Variants in KIRREL3 observed in about 807,000 individuals in gnomAD.
KIRREL3 encodes the protein kin of IRRE-like protein 3.
A neutral mutation model predicts 89.7 loss-of-function variants in KIRREL3; 36 were observed. That is an observed-to-expected ratio of 0.40 (90% CI 0.31 to 0.53). KIRREL3 has a LOEUF of 0.53. Ranked by LOEUF, KIRREL3 falls within the 20% of genes least tolerant of loss-of-function variation. The pLI is 0.49. For synonymous variants in KIRREL3, 445 were observed against 441.4 expected (o/e 1.01, Z -0.10); for missense variants, 864 against 1,056.6 (o/e 0.82, Z 2.53).
rs1282920840 is a variant in KIRREL3, at chr11:126,892,679, G to C, written c.55+107776C>G. Among the ~76,000 whole-genome samples the C allele has an allele frequency of 6.6e-6, 1 of 152,148 alleles. No individual in the cohort carries two copies. Among genetic ancestry groups the C allele is most frequent in the East Asian group, 1.9e-4 (1 of 5,166 alleles). On this transcript the variant is annotated intron_variant, in intron 1 of 16. Coordinates refer to ENST00000525144, the MANE Select transcript of KIRREL3 (RefSeq NM_032531.4). This position sits in a 1 kb window ranked among gnomAD's most constrained non-coding sequence, Gnocchi z 5.4. ...CTGGAGGCATGACCCCTTTTCTCTG[G>C]TTGATTTCATCTCCAGTAGCCAAGT...
chr11:126,424,820 C>G lies in KIRREL3; in HGVS notation c.2097G>C (p.Met699Ile), dbSNP rs1366943846. The stretch of plus-strand genomic sequence containing the variant: ...CACAAAGCTCGATGGACGAGCTGCC[C>G]ATGCCCAGCACAAACCGCTGCCCGT... ...YDYGQRFVLG[M>I]GSSSIELCER... Residue 699 changes from methionine (M) to isoleucine (I), a missense_variant, in exon 17 of 17, where the codon ATG (methionine) becomes ATC (isoleucine). Coordinates refer to ENST00000525144, the MANE Select transcript of KIRREL3 (RefSeq NM_032531.4). The G allele has an allele frequency of 6.2e-6, 10 of 1,613,934 alleles. No individual in the cohort carries two copies. Among genetic ancestry groups the G allele is most frequent in the African/African-American group, 1.3e-5 (1 of 74,962 alleles).
intron 1 of KIRREL3, among the ~76,000 whole-genome samples, chr11:126,853,317 C>T (rs1193143703): frequency 6.6e-6 from 1 of 152,166 alleles, no homozygotes; most frequent in East Asian, 1.9e-4. Flanking sequence ...TCCAAACAAA[C>T]TGGAATTTTA....
intron 1 of KIRREL3, among the ~76,000 whole-genome samples, chr11:126,971,003 G>A (rs943945200): frequency 6.6e-6 from 1 of 152,180 alleles, no homozygotes; most frequent in East Asian, 1.9e-4. Flanking sequence ...AACATGTTTA[G>A]TAAACATTGC....
rs1940734623 is a variant in KIRREL3, at chr11:126,569,031, G to A, written c.56-6119C>T. 6.6e-6 allele frequency among the ~76,000 whole-genome samples: 1 copy of A among 152,078 alleles called. No homozygotes were observed. Among genetic ancestry groups the A allele is most frequent in the Non-Finnish European group, 1.5e-5 (1 of 68,022 alleles). On this transcript the variant is annotated intron_variant, in intron 1 of 16. Coordinates refer to ENST00000525144, the MANE Select transcript of KIRREL3 (RefSeq NM_032531.4). This position sits in a 1 kb window ranked among gnomAD's most constrained non-coding sequence, Gnocchi z 6.5. ...AGAGGCCAAGGAACCAGAGAGCTTGGGAATGGAGAGGAAATGATGAATCAG... is the reference window on the plus strand; with the variant it reads ...AGAGGCCAAGGAACCAGAGAGCTTGAGAATGGAGAGGAAATGATGAATCAG...
At chr11:126,488,742 G>T (rs1957431353) in intron 4 of KIRREL3, among the ~76,000 whole-genome samples, 1 of 152,200 alleles carries the variant, frequency 6.6e-6, no homozygotes, top group African/African-American at 2.4e-5. Flanking sequence ...CTAGGTGACT[G>T]CTCTCCTCTG....
rs570560805 is a variant in KIRREL3, at chr11:126,685,290, T to C, written c.56-122378A>G. Reference sequence around the variant, plus strand: ...GAACACACAATTGAGCAACAAAACATAGTCACACAGGGCCTGCCTCACACC... The same window carrying C: ...GAACACACAATTGAGCAACAAAACACAGTCACACAGGGCCTGCCTCACACC... On this transcript the variant is annotated intron_variant, in intron 1 of 16. Coordinates refer to ENST00000525144, the MANE Select transcript of KIRREL3 (RefSeq NM_032531.4). This position sits in a 1 kb window ranked among gnomAD's most constrained non-coding sequence, Gnocchi z 5.5. Among the ~76,000 whole-genome samples, 12 of 152,066 alleles carry C rather than the reference T, an allele frequency of 7.9e-5. No homozygotes were observed. The highest frequency in any genetic ancestry group is 1.3e-4 in the Non-Finnish European group (9 of 68,004).
At chr11:126,756,816 T>C (rs1949517864) in intron 1 of KIRREL3, among the ~76,000 whole-genome samples, 1 of 152,248 alleles carries the variant, frequency 6.6e-6, no homozygotes, top group Non-Finnish European at 1.5e-5. Context: ...ACGTTTGCAG[T>C]ATATCCCTGC....
rs1320914252 is a variant in KIRREL3, at chr11:126,838,903, C to A, written c.55+161552G>T. Among the ~76,000 whole-genome samples the A allele has an allele frequency of 2.0e-5, 3 of 152,160 alleles. No homozygotes were observed. In the East Asian group the frequency reaches 5.8e-4, roughly 29 times the overall value. Reference sequence around the variant, plus strand: ...CCAAACAAATTCCCTTCCTTTAAATCTTATGCTCACTTCAGATTGTGTCTC... The same window carrying A: ...CCAAACAAATTCCCTTCCTTTAAATATTATGCTCACTTCAGATTGTGTCTC... On this transcript the variant is annotated intron_variant, in intron 1 of 16. Coordinates refer to ENST00000525144, the MANE Select transcript of KIRREL3 (RefSeq NM_032531.4).
chr11:126,955,875 C>G lies in KIRREL3; in HGVS notation c.55+44580G>C, dbSNP rs950104277. On this transcript the variant is annotated intron_variant, in intron 1 of 16. Coordinates refer to ENST00000525144, the MANE Select transcript of KIRREL3 (RefSeq NM_032531.4). This position sits in a 1 kb window ranked among gnomAD's most constrained non-coding sequence, Gnocchi z 4.6. The stretch of plus-strand genomic sequence containing the variant: ...GATTGTATCTGTTTTGATTGGTCAG[C>G]ACCACTGATGCCCCAGTTCTTAAGT... 1.3e-5 allele frequency among the ~76,000 whole-genome samples: 2 copies of G among 152,172 alleles called. No individual in the cohort carries two copies. Among genetic ancestry groups the G allele is most frequent in the Non-Finnish European group, 2.9e-5 (2 of 68,036 alleles).
chr11:126,590,272 A>C (rs116217200), intron 1 of KIRREL3, among the ~76,000 whole-genome samples: 84,119 of 151,444 alleles, frequency 0.56, 24,057 homozygotes, highest in African/African-American at 0.7. Flanking sequence ...CAAAGCCTAG[A>C]AGAAGAACAT....
chr11:126,583,335 CTG>C (rs1941656575), intron 1 of KIRREL3, among the ~76,000 whole-genome samples: 1 of 152,184 alleles, frequency 6.6e-6, no homozygotes, highest in South Asian at 2.1e-4. Flanking sequence ...TTCAGGGACT[CTG>C]AAATCTCCAG....
Position 126,842,200 on chromosome 11 carries a change from C to T in KIRREL3, c.55+158255G>A, listed in dbSNP as rs540391708. Among the ~76,000 whole-genome samples the T allele has an allele frequency of 2.6e-5, 4 of 152,286 alleles. No homozygotes were observed. The South Asian group carries it at 8.3e-4, about 32-fold the overall frequency. Reference sequence around the variant, plus strand: ...CTCTGTCAGGAGCTCTATCTGGACTCTGCACTCAGGACAACAGACAGAGAC... The same window carrying T: ...CTCTGTCAGGAGCTCTATCTGGACTTTGCACTCAGGACAACAGACAGAGAC... On this transcript the variant is annotated intron_variant, in intron 1 of 16. Transcript: ENST00000525144.
rs1470876094 is a variant in KIRREL3, at chr11:126,687,835, G to C, written c.56-124923C>G. Among the ~76,000 whole-genome samples the C allele has an allele frequency of 1.3e-5, 2 of 152,212 alleles. No individual in the cohort carries two copies. The highest frequency in any genetic ancestry group is 2.4e-5 in the African/African-American group (1 of 41,448). Reference sequence around the variant, plus strand: ...GCGGTGAAATGGCCATGGGAGCACAGCCTTGAAGAGACGCCTGTGCAAGGC... The same window carrying C: ...GCGGTGAAATGGCCATGGGAGCACACCCTTGAAGAGACGCCTGTGCAAGGC... On this transcript the variant is annotated intron_variant, in intron 1 of 16. Coordinates refer to ENST00000525144, the MANE Select transcript of KIRREL3 (RefSeq NM_032531.4). This position sits in a 1 kb window ranked among gnomAD's most constrained non-coding sequence, Gnocchi z 4.6.
intron 1 of KIRREL3, among the ~76,000 whole-genome samples, chr11:126,926,420 T>A (rs1407708252): frequency 6.6e-6 from 1 of 152,222 alleles, no homozygotes; most frequent in Non-Finnish European, 1.5e-5. Flanking sequence ...CATATGGTAA[T>A]GAGCAGCTCT....
intron 1 of KIRREL3, among the ~76,000 whole-genome samples, chr11:126,626,097 G>A (rs1943773196): frequency 6.6e-6 from 1 of 152,224 alleles, no homozygotes; most frequent in Admixed American, 6.5e-5. Context: ...GGGACTATCA[G>A]TAGGGTATAG....
intron 1 of KIRREL3, among the ~76,000 whole-genome samples, chr11:126,663,296 C>T (rs1945507078): frequency 6.7e-6 from 1 of 150,052 alleles, no homozygotes; most frequent in Admixed American, 6.8e-5. Context: ...AGTGATTCTC[C>T]TGCCTCAGCC....
At chr11:126,865,185 T>A (rs1358601879) in intron 1 of KIRREL3, among the ~76,000 whole-genome samples, 2 of 152,196 alleles carry the variant, frequency 1.3e-5, no homozygotes, top group Non-Finnish European at 2.9e-5. Context: ...CCATTTACCA[T>A]CTGTAGCTAA....
At position 126,703,074 on chromosome 11, in the gene KIRREL3, T is replaced by A. The variant is rs1947372112; in HGVS notation, c.56-140162A>T. Among the ~76,000 whole-genome samples the A allele has an allele frequency of 6.6e-6, 1 of 151,864 alleles. No individual in the cohort carries two copies. The highest frequency in any genetic ancestry group is 2.1e-4 in the South Asian group (1 of 4,808). Reference sequence around the variant, plus strand: ...TATGGACCTAAATGAGAAGGGTGAGTAGTAGATGGCGTATTCTCTGGGCTG... The same window carrying A: ...TATGGACCTAAATGAGAAGGGTGAGAAGTAGATGGCGTATTCTCTGGGCTG... On this transcript the variant is annotated intron_variant, in intron 1 of 16. Coordinates refer to ENST00000525144, the MANE Select transcript of KIRREL3 (RefSeq NM_032531.4). The surrounding 1 kb of genome is among the most constrained non-coding windows in gnomAD (Gnocchi z 4.6).
Position 126,768,154 on chromosome 11 carries a change from ATCCATCCATCC to A in KIRREL3, c.56-205253_56-205243del, listed in dbSNP as rs1949895026. Reference sequence around the variant, plus strand: ...CATCTATCCATCCATCCATCCATCCATCCATCCATCCATCCAATCCATCCATCCATCCATCC... The same window carrying A: ...CATCTATCCATCCATCCATCCATCCAATCCAATCCATCCATCCATCCATCC... On this transcript the variant is annotated intron_variant, in intron 1 of 16. Transcript: ENST00000525144. The surrounding 1 kb of genome is among the most constrained non-coding windows in gnomAD (Gnocchi z 4.5). Among the ~76,000 whole-genome samples, 1 of 130,402 alleles carries A rather than the reference ATCCATCCATCC, an allele frequency of 7.7e-6. No homozygotes were observed. The highest frequency in any genetic ancestry group is 3.2e-5 in the African/African-American group (1 of 31,438). 85.5% of individuals were successfully genotyped at this position (130,402 alleles called of 152,430 possible). A position where few individuals can be genotyped will look rare whatever the true frequency, so the allele number is the denominator to read the frequency against.
Sources: allele counts gnomAD v4.1 joint callset (sites outside exome capture counted in the v4.1 genomes callset), GRCh38; gene constraint gnomAD v4.1.1; non-coding constraint Gnocchi (gnomAD v3.1); transcripts MANE v1.5; gene names NCBI Gene and HGNC (gene_info 2026-07-23, HGNC 2026-07-21).